ECM2: variants seen among roughly 807,000 people sequenced by gnomAD.
ECM2 encodes extracellular matrix protein 2, female organ and adipocyte specific.
A neutral mutation model predicts 67.5 loss-of-function variants in ECM2; 57 were observed. The ratio of observed to expected loss-of-function variants is 0.84; its 90% confidence interval spans 0.68 to 1.05. The LOEUF (loss-of-function observed/expected upper bound fraction) is 1.05. Among genes scored for constraint, ECM2 ranks in the 50% least tolerant of loss-of-function variants. The pLI is 0.00. For missense variants in ECM2, 741 were observed against 822.8 expected (o/e 0.90, Z 1.22); for synonymous variants, 258 against 294.5 (o/e 0.88, Z 1.27).
At chr9:92,524,214 G>A (rs954828305) in intron 1 of ECM2, among the ~76,000 whole-genome samples, 7 of 152,184 alleles carry the variant, frequency 4.6e-5, no homozygotes, top group African/African-American at 1.7e-4. Context: ...GCGTGATGGT[G>A]CCATATAAAA....
intron 2 of ECM2, among the ~76,000 whole-genome samples, chr9:92,520,474 G>A (rs1847997994): frequency 6.6e-6 from 1 of 152,164 alleles, no homozygotes; most frequent in Non-Finnish European, 1.5e-5. Flanking sequence ...TTGTTGGCAG[G>A]AATGTAGAGA....
rs1847597397 is a variant in ECM2, at chr9:92,514,878, C to T, written c.807G>A (p.Arg269=). 4.3e-6 allele frequency: 7 copies of T among 1,613,356 alleles called. No homozygotes were observed. The highest frequency in any genetic ancestry group is 5.1e-6 in the Non-Finnish European group (6 of 1,179,462). ...RLAHQQQRQG[R]EEEEDEEEEG... ...CCTCCTCCTCATCCTCCTCCTCCTCCCTTCCTTGGCGTTGTTGCTGGTGTG... is the reference window on the plus strand; with the variant it reads ...CCTCCTCCTCATCCTCCTCCTCCTCTCTTCCTTGGCGTTGTTGCTGGTGTG... Residue 269 remains arginine (R), a synonymous_variant, in exon 4 of 10, where the codon AGG becomes AGA. Coordinates refer to ENST00000344604, the MANE Select transcript of ECM2 (RefSeq NM_001393.4).
chr9:92,519,281 T>G (rs1339453680), intron 2 of ECM2, among the ~76,000 whole-genome samples: 3 of 152,198 alleles, frequency 2.0e-5, no homozygotes, highest in African/African-American at 4.8e-5. Context: ...CTATCAAAAT[T>G]TCCATGGCCT....
chr9:92,547,286 C>G, the ECM2 span, among the ~76,000 whole-genome samples: 2 of 152,186 alleles, frequency 1.3e-5, no homozygotes, highest in Non-Finnish European at 2.9e-5. Flanking sequence ...AAACAACATG[C>G]TTCAACTACT....
At chr9:92,515,511 A>G (rs1204945707) in intron 3 of ECM2, among the ~76,000 whole-genome samples, 1 of 152,220 alleles carries the variant, frequency 6.6e-6, no homozygotes, top group Non-Finnish European at 1.5e-5. Flanking sequence ...ATATTGCCAC[A>G]TGAGGCAAAA....
At chr9:92,537,758 CAG>C (rs1034611266), upstream of ECM2, among the ~76,000 whole-genome samples, 1 of 152,170 alleles carries the variant, frequency 6.6e-6, no homozygotes, top group Non-Finnish European at 1.5e-5. Context: ...GTCAATAAAA[CAG>C]AAGAGGAAGA....
At position 92,514,932 on chromosome 9, in the gene ECM2, CT is replaced by C. The variant is rs1481467948; in HGVS notation, c.752del (p.Lys251SerfsTer43). On this transcript the variant is annotated frameshift_variant, in exon 4 of 10. Transcript: ENST00000344604. LOFTEE classifies it high-confidence loss of function. The stretch of plus-strand genomic sequence containing the variant: ...GCCTCCTCTCCTCTCCAGGCCTCTG[CT>C]TTCTGTCTCCTCCTCTGCTGTCCCC... ...SEGDSRGGDR[K>X]QRPGEERRLA... The C allele has an allele frequency of 6.8e-6, 11 of 1,613,922 alleles. No individual in the cohort carries two copies. Among genetic ancestry groups the C allele is most frequent in the Non-Finnish European group, 7.6e-6 (9 of 1,179,954 alleles).
chr9:92,523,328 G>A (rs1304357990), intron 1 of ECM2, among the ~76,000 whole-genome samples: 1 of 152,144 alleles, frequency 6.6e-6, no homozygotes, highest in Non-Finnish European at 1.5e-5. Flanking sequence ...AAATATTTGA[G>A]GCGTCATAGG....
the ECM2 span, among the ~76,000 whole-genome samples, chr9:92,551,015 G>A: frequency 3.9e-5 from 6 of 152,128 alleles, no homozygotes; most frequent in Non-Finnish European, 5.9e-5. Flanking sequence ...ATAGAGCCAG[G>A]GAAGAGGAAT....
At chr9:92,529,504 G>A (rs1458380470) in intron 1 of ECM2, among the ~76,000 whole-genome samples, 2 of 152,052 alleles carry the variant, frequency 1.3e-5, no homozygotes, top group Admixed American at 6.6e-5. Context: ...AAACCTGCAC[G>A]CAGATATGTA....
intron 6 of ECM2, among the ~76,000 whole-genome samples, 189 bp downstream of exon 6, chr9:92,509,710 T>C (rs1847220582): frequency 6.6e-6 from 1 of 152,210 alleles, no homozygotes; most frequent in Non-Finnish European, 1.5e-5. Flanking sequence ...ACAAAGACAA[T>C]AGGCAGTTTA....
At chr9:92,543,552 C>T in the ECM2 span, among the ~76,000 whole-genome samples, 14 of 142,720 alleles carry the variant, frequency 9.8e-5, no homozygotes, top group Non-Finnish European at 1.4e-4. Context: ...ATTTTATGAT[C>T]GTTTTTCTGT....
chr9:92,545,555 C>G, the ECM2 span, among the ~76,000 whole-genome samples: 3 of 152,198 alleles, frequency 2.0e-5, no homozygotes, highest in Admixed American at 1.3e-4. Flanking sequence ...CTTCAAGGCC[C>G]GAGCCTCCCC....
intron 3 of ECM2, 87 bp downstream of exon 3, chr9:92,517,600 T>C: frequency 6.4e-7 from 1 of 1,568,770 alleles, no homozygotes; most frequent in Non-Finnish European, 8.7e-7. Flanking sequence ...TAATGTATCA[T>C]AATTTTAATC....
chr9:92,496,350 A>G lies in ECM2; in HGVS notation c.2065T>C (p.Ser689Pro). The G allele has an allele frequency of 6.2e-7, 1 of 1,602,608 alleles. No individual in the cohort carries two copies. Among genetic ancestry groups the G allele is most frequent in the East Asian group, 2.3e-5 (1 of 44,354 alleles). ...SYTFSCIRSY[S>P]SIVLKPQNIK ...TTTTGTGGTTTAAGAACGATACTTG[A>G]GTATGATCTTATGCATGAAAATGTG... The change falls in exon 10 of 10, where the codon TCA becomes CCA. Residue 689 changes from serine to proline, a missense_variant. Physicochemically the swap from Ser to Pro is moderately conservative, Grantham distance 74. Transcript: ENST00000344604.
At chr9:92,552,566 G>T in the ECM2 span, among the ~76,000 whole-genome samples, 1 of 151,980 alleles carries the variant, frequency 6.6e-6, no homozygotes, top group Non-Finnish European at 1.5e-5. Flanking sequence ...ATCACATTGT[G>T]GTTTTGATTT....
At chr9:92,524,741 C>T (rs899387829) in intron 1 of ECM2, among the ~76,000 whole-genome samples, 4 of 152,140 alleles carry the variant, frequency 2.6e-5, no homozygotes, top group South Asian at 2.1e-4. Context: ...ACAGATTTGC[C>T]GCTGTTATCT....
chr9:92,502,506 T>G lies in ECM2; in HGVS notation c.1604+7A>C, dbSNP rs769628556. 6.2e-7 allele frequency: 1 copy of G among 1,611,852 alleles called. No individual in the cohort carries two copies. The highest frequency in any genetic ancestry group is 8.5e-7 in the Non-Finnish European group (1 of 1,178,764). The stretch of plus-strand genomic sequence containing the variant: ...TCAATAAAATTTAAATTGTAGCATG[T>G]ACTTACTCTTGATTTATCCAGGCTA... On this transcript the variant is annotated splice_region_variant and intron_variant, in intron 8 of 9. Transcript: ENST00000344604.
At chr9:92,534,167 AGT>A (rs1285695369) in intron 1 of ECM2, among the ~76,000 whole-genome samples, 3 of 152,128 alleles carry the variant, frequency 2.0e-5, no homozygotes, top group Non-Finnish European at 4.4e-5. Context: ...GACTCCTCAG[AGT>A]GTCTGTCCCA....
Sources: gnomAD v4.1 joint callset for allele counts (sites outside exome capture counted in the v4.1 genomes callset) on GRCh38, gnomAD v4.1.1 for gene constraint, MANE v1.5 for transcripts, NCBI Gene and HGNC (gene_info 2026-07-23, HGNC 2026-07-21) for gene names.